The following TUSC3 variants were observed in gnomAD, a reference collection of about 807,000 sequenced individuals.
TUSC3 encodes the protein tumor suppressor candidate 3.
A neutral mutation model predicts 44.8 loss-of-function variants in TUSC3; 45 were observed. That is an observed-to-expected ratio of 1.00 (90% CI 0.79 to 1.29). The LOEUF (loss-of-function observed/expected upper bound fraction) is 1.29, where lower values mean the gene tolerates loss of function less well. Ranked by LOEUF, TUSC3 falls within the 50% of genes most tolerant of loss-of-function variation. TUSC3 has a pLI of 0.00. For synonymous variants in TUSC3, 212 were observed against 152.9 expected (o/e 1.39, Z -2.85); for missense variants, 519 against 437.9 (o/e 1.19, Z -1.65).
At chr8:15,490,606 C>T (rs79505614) in intron 2 of TUSC3, among the ~76,000 whole-genome samples, 4,432 of 152,292 alleles carry the variant, frequency 0.029, 94 homozygotes, top group Non-Finnish European at 0.044. Flanking sequence ...TGTGCAGCTG[C>T]CAGGTGTGCT....
intron 9 of TUSC3, among the ~76,000 whole-genome samples, chr8:15,749,777 G>C (rs1585301091): frequency 6.8e-6 from 1 of 145,998 alleles, no homozygotes; most frequent in Non-Finnish European, 1.5e-5. Flanking sequence ...TGAGAATCAT[G>C]TTTTTGTATG....
At chr8:15,442,833 C>T (rs762519598) in intron 1 of TUSC3, among the ~76,000 whole-genome samples, 3 of 152,180 alleles carry the variant, frequency 2.0e-5, no homozygotes, top group South Asian at 2.1e-4. Context: ...CAGCCTTGGT[C>T]TTCTGTATCC....
At position 15,429,470 on chromosome 8, in the gene TUSC3, T is replaced by C. The variant is rs192074725; in HGVS notation, n.91+12165T>C. ...CAATGCGGGCTCTTTTTTGGTTCCA[T>C]ATGAACTTCAAAGTAGTTTTTTCCA... On this transcript the variant is annotated intron_variant and non_coding_transcript_variant, in intron 1 of 5. Coordinates refer to the TUSC3 transcript ENST00000503191. Among the ~76,000 whole-genome samples, 122 of 150,832 alleles carry C rather than the reference T, an allele frequency of 8.1e-4. 2 individuals carry two copies. Among genetic ancestry groups the C allele is most frequent in the African/African-American group, 2.8e-3 (115 of 40,556 alleles).
chr8:15,708,317 C>G (rs1389278848), intron 6 of TUSC3, among the ~76,000 whole-genome samples: 2 of 151,952 alleles, frequency 1.3e-5, no homozygotes, highest in African/African-American at 4.8e-5. Flanking sequence ...TTAGGAAAAA[C>G]CTTGTGTGTC....
intron 6 of TUSC3, among the ~76,000 whole-genome samples, chr8:15,691,725 T>C (rs927778560): frequency 1.3e-5 from 2 of 152,178 alleles, no homozygotes; most frequent in African/African-American, 4.8e-5. Context: ...TGAAGGAATA[T>C]TGAATTTTTT....
intron 2 of TUSC3, among the ~76,000 whole-genome samples, chr8:15,627,678 G>T (rs912982843): frequency 1.3e-5 from 2 of 152,220 alleles, no homozygotes; most frequent in Admixed American, 6.5e-5. Context: ...GCATTCCCCA[G>T]TGCTGGCCGG....
chr8:15,541,249 A>G (rs576777814), intron 1 of TUSC3, among the ~76,000 whole-genome samples: 1 of 152,350 alleles, frequency 6.6e-6, no homozygotes, highest in Non-Finnish European at 1.5e-5. Context: ...TCCACCATTA[A>G]CTTTGAAAAG....
At chr8:15,464,626 G>C (rs1012067969) in intron 1 of TUSC3, among the ~76,000 whole-genome samples, 2 of 152,076 alleles carry the variant, frequency 1.3e-5, no homozygotes, top group East Asian at 3.9e-4. Flanking sequence ...AGTTACCTCA[G>C]TATATCAGTT....
At chr8:15,706,228 TTATG>T (rs1316360009) in intron 6 of TUSC3, among the ~76,000 whole-genome samples, 6 of 152,126 alleles carry the variant, frequency 3.9e-5, no homozygotes, top group Admixed American at 6.6e-5. Context: ...TGGTATATAT[TTATG>T]TGTTTGCTGT....
In TUSC3 at chr8:15,716,546, C is replaced by T. The variant is rs192869523; in HGVS notation, c.799-14120C>T. On this transcript the variant is annotated intron_variant, in intron 6 of 10. Transcript: ENST00000503731. ...AAGTGTGTATAAGTATGTGTAAGTG[C>T]TCCCTTGTAATACACTGATACACGT... Among the ~76,000 whole-genome samples, 49 of 152,178 alleles carry T rather than the reference C, an allele frequency of 3.2e-4. No individual in the cohort carries two copies. In the East Asian group the frequency reaches 3.7e-3, roughly 11 times the overall value.
At chr8:15,827,004 A>C in the TUSC3 span, among the ~76,000 whole-genome samples, 5 of 152,138 alleles carry the variant, frequency 3.3e-5, no homozygotes, top group Admixed American at 3.3e-4. Flanking sequence ...TTCTGTTATA[A>C]TATATGGTCT....
At chr8:15,465,674 T>C (rs956150608) in intron 1 of TUSC3, among the ~76,000 whole-genome samples, 1 of 152,218 alleles carries the variant, frequency 6.6e-6, no homozygotes, top group Admixed American at 6.5e-5. Flanking sequence ...AAAACTTTTA[T>C]CTGCAAACAC....
intron 2 of TUSC3, among the ~76,000 whole-genome samples, chr8:15,493,373 G>C (rs2129126025): frequency 6.6e-6 from 1 of 152,134 alleles, no homozygotes; most frequent in East Asian, 1.9e-4. Flanking sequence ...TGATCCTCCT[G>C]CCACAGCCTC....
the TUSC3 span, among the ~76,000 whole-genome samples, chr8:15,772,239 A>G: frequency 6.6e-6 from 1 of 152,166 alleles, no homozygotes; most frequent in East Asian, 1.9e-4. Flanking sequence ...GAAAAACAAT[A>G]AAGTCAATGA....
chr8:15,621,870 G>A (rs186320959), intron 1 of TUSC3, among the ~76,000 whole-genome samples: 4 of 151,216 alleles, frequency 2.6e-5, no homozygotes, highest in East Asian at 3.9e-4. Flanking sequence ...CTCTCTGCAG[G>A]TTACTATGCT....
At chr8:15,589,681 A>G (rs1451158020) in intron 1 of TUSC3, among the ~76,000 whole-genome samples, 1 of 151,472 alleles carries the variant, frequency 6.6e-6, no homozygotes, top group African/African-American at 2.4e-5. Flanking sequence ...TCTTTACAGT[A>G]TAAAGAAAAA....
rs750288903 is a variant in TUSC3 at position 15,748,424 on chromosome 8, A to G, written c.987A>G (p.Leu329=). 3.7e-6 allele frequency: 6 copies of G among 1,613,306 alleles called. No homozygotes were observed. The highest frequency in any genetic ancestry group is 2.7e-5 in the African/African-American group (2 of 74,878). ...TGGTGGTCTTCTTCTTCAGTTTTCT[A>G]CTTTCAATATTTCGTTCCAAGTACC... ...LGLVVFFFSF[L]LSIFRSKYHG... Residue 329 remains leucine (L), a synonymous_variant, in exon 9 of 11, where the codon CTA becomes CTG. Coordinates refer to ENST00000503731, the MANE Select transcript of TUSC3 (RefSeq NM_006765.4).
intron 1 of TUSC3, among the ~76,000 whole-genome samples, chr8:15,570,441 A>G (rs943239664): frequency 6.6e-6 from 1 of 152,166 alleles, no homozygotes; most frequent in Non-Finnish European, 1.5e-5. Context: ...ATAAATTCAG[A>G]TAGAGGCCTA....
intron 2 of TUSC3, among the ~76,000 whole-genome samples, chr8:15,489,250 A>G (rs769099534): frequency 2.0e-5 from 3 of 152,224 alleles, no homozygotes; most frequent in African/African-American, 7.2e-5. Flanking sequence ...GTCATATGCA[A>G]ATTCAAAGAT....
Sources: gnomAD v4.1 joint callset for allele counts (sites outside exome capture counted in the v4.1 genomes callset) on GRCh38, gnomAD v4.1.1 for gene constraint, MANE v1.5 for transcripts, NCBI Gene and HGNC (gene_info 2026-07-23, HGNC 2026-07-21) for gene names.